UGGT2: variants seen among roughly 807,000 people sequenced by gnomAD.
UGGT2 encodes UDP-glucose glycoprotein glucosyltransferase 2.
UGGT2 carries 180 observed loss-of-function variants against 192.1 expected under a neutral mutation model. The ratio of observed to expected loss-of-function variants is 0.94; its 90% CI spans 0.83 to 1.06. The LOEUF is 1.06. Among genes scored for constraint, UGGT2 ranks in the 50% least tolerant of loss-of-function variants. UGGT2 has a pLI of 0.00. For missense variants in UGGT2, 1,849 were observed against 1,795.7 expected, an observed-to-expected ratio of 1.03 and a Z score of -0.54; for synonymous variants, 580 against 591.0, an observed-to-expected ratio of 0.98 and a Z score of 0.27.
intron 1 of UGGT2, among the ~76,000 whole-genome samples, chr13:96,052,770 G>A (rs1339512692): frequency 6.6e-6 from 1 of 152,186 alleles, no homozygotes; most frequent in Non-Finnish European, 1.5e-5. Flanking sequence ...AGTAAGCCTA[G>A]GAGCTGATGG....
At chr13:95,994,398 CATT>C (rs1455792888) in intron 7 of UGGT2, among the ~76,000 whole-genome samples, 1 of 151,650 alleles carries the variant, frequency 6.6e-6, no homozygotes, top group Non-Finnish European at 1.5e-5. Flanking sequence ...TATTAGCTAA[CATT>C]ATTACAATAT....
At chr13:95,914,241 T>C (rs895209886) in intron 20 of UGGT2, among the ~76,000 whole-genome samples, 3 of 148,610 alleles carry the variant, frequency 2.0e-5, no homozygotes, top group African/African-American at 7.5e-5. Context: ...GAACTTAAAG[T>C]ATAATAAAAA....
At position 95,927,075 on chromosome 13, in the gene UGGT2, T is replaced by A; in HGVS notation, c.2153A>T (p.Asp718Val). 11 of 1,611,740 alleles carry A rather than the reference T, an allele frequency of 6.8e-6. No individual in the cohort carries two copies. The highest frequency in any genetic ancestry group is 9.3e-6 in the Non-Finnish European group (11 of 1,179,352). Residue 718 changes from aspartate (D) to valine (V), a missense_variant, in exon 19 of 39, where the codon GAT becomes GTT. Physicochemically the swap from Asp to Val is radical, Grantham distance 152. Coordinates refer to ENST00000376747, the MANE Select transcript of UGGT2 (RefSeq NM_020121.4). ...FSTFFFLDSQ[D>V]KSAVIAKNMY... ...GTTCTTTGCAATTACAGCACTCTTA[T>A]CTTGTGAATCCAAGAAAAAGAAAGT...
rs1048165984 is a variant in UGGT2 at position 95,986,578 on chromosome 13, A to G, written c.932-146T>C. 3 of 515,016 alleles carry G rather than the reference A, an allele frequency of 5.8e-6. No individual in the cohort carries two copies. In the African/African-American group the frequency reaches 6.0e-5, roughly 10 times the overall value. 31.9% of individuals were successfully genotyped at this position (515,016 alleles called of 1,614,324 possible). On this transcript the variant is annotated intron_variant, in intron 8 of 38. Transcript: ENST00000376747. ...TACTGTTACATCTGCATTTTTAAAA[A>G]GTTTTAAATGTAAAGTTATCACTTA...
intron 6 of UGGT2, among the ~76,000 whole-genome samples, chr13:95,996,456 A>G (rs879877099): frequency 4.6e-5 from 7 of 151,652 alleles, no homozygotes; most frequent in Admixed American, 1.3e-4. Context: ...AGATCGTGCC[A>G]CTGCACTCCA....
At chr13:95,884,938 T>C (rs147266299) in intron 26 of UGGT2, among the ~76,000 whole-genome samples, 363 of 152,326 alleles carry the variant, frequency 2.4e-3, no homozygotes, top group Non-Finnish European at 3.9e-3. Context: ...CCCTTTAAGA[T>C]ATACCTGACT....
chr13:95,872,032 T>C (rs1442000379), intron 29 of UGGT2, among the ~76,000 whole-genome samples: 4 of 152,176 alleles, frequency 2.6e-5, no homozygotes, highest in African/African-American at 9.7e-5. Flanking sequence ...TGATTACAAG[T>C]GTTACTTTGG....
chr13:95,842,765 C>T (rs1363046984), intron 36 of UGGT2, among the ~76,000 whole-genome samples: 1 of 152,228 alleles, frequency 6.6e-6, no homozygotes, highest in East Asian at 1.9e-4. Flanking sequence ...ATAGCCACAT[C>T]CAGCAAGGAA....
At chr13:95,884,301 C>G (rs936826697) in intron 27 of UGGT2, among the ~76,000 whole-genome samples, 190 bp downstream of exon 27, 7 of 151,964 alleles carry the variant, frequency 4.6e-5, no homozygotes, top group African/African-American at 1.7e-4. Flanking sequence ...ACTTGGAAGA[C>G]TAGAGAAGCT....
In UGGT2 at chr13:95,801,657, A is replaced by G; in HGVS notation, c.*133T>C. ...TAAATAACTGTTTTAAATAATTACA[A>G]TTTTTTAAAATTAAAGAATATGTCA... On this transcript the variant is annotated 3_prime_UTR_variant, in exon 39 of 39. Transcript: ENST00000376747. The G allele has an allele frequency of 6.0e-6, 5 of 828,424 alleles. No homozygotes were observed. The highest frequency in any genetic ancestry group is 2.8e-5 in the East Asian group (1 of 35,882). 51.3% of individuals were successfully genotyped at this position (828,424 alleles called of 1,614,324 possible).
chr13:95,846,297 C>T (rs570883530), intron 36 of UGGT2, among the ~76,000 whole-genome samples: 22 of 152,072 alleles, frequency 1.4e-4, no homozygotes, highest in Non-Finnish European at 2.4e-4. Flanking sequence ...TGGCAGCGCG[C>T]GCCTGCAATC....
chr13:95,981,308 C>CA (rs1261217229), intron 10 of UGGT2, among the ~76,000 whole-genome samples: 1 of 8,762 alleles, frequency 1.1e-4, no homozygotes, highest in Non-Finnish European at 7.6e-4. Flanking sequence ...ACTAAAAATA[C>CA]AAAAAATTAG....
intron 38 of UGGT2, among the ~76,000 whole-genome samples, chr13:95,817,990 T>C (rs558593917): frequency 2.6e-5 from 4 of 152,252 alleles, no homozygotes; most frequent in Non-Finnish European, 5.9e-5. Flanking sequence ...TTTATCAGAA[T>C]CAGAACCTGG....
rs144028815 is a variant in UGGT2, at chr13:95,996,761, G to A, written c.758-626C>T. Among the ~76,000 whole-genome samples, 16 of 152,278 alleles carry A rather than the reference G, an allele frequency of 1.1e-4. No homozygotes were observed. The East Asian group carries it at 3.1e-3, about 29-fold the overall frequency. On this transcript the variant is annotated intron_variant, in intron 6 of 38. Coordinates refer to ENST00000376747, the MANE Select transcript of UGGT2 (RefSeq NM_020121.4). ...CAAATGCTGGGTTTAGCTTTTAAGT[G>A]AGGCAGGAGGTCCAAACCCTAAGTT...
intron 8 of UGGT2, among the ~76,000 whole-genome samples, chr13:95,988,358 G>C (rs1489353741): frequency 6.6e-6 from 1 of 152,066 alleles, no homozygotes; most frequent in African/African-American, 2.4e-5. Flanking sequence ...TTTCATTTTA[G>C]AAAGATTATC....
intron 1 of UGGT2, among the ~76,000 whole-genome samples, chr13:96,038,895 C>A (rs780101813): frequency 1.7e-4 from 26 of 152,234 alleles, no homozygotes; most frequent in South Asian, 4.1e-4. Context: ...TCATCTAAAT[C>A]ATGTATGGGT....
At chr13:95,937,118 A>G (rs1247750843) in intron 16 of UGGT2, 30 bp from the exon 17 acceptor site, 1 of 1,564,224 alleles carries the variant, frequency 6.4e-7, no homozygotes, top group Non-Finnish European at 8.6e-7. Flanking sequence ...CAGAGTGTTA[A>G]ACAAAATATG....
At chr13:95,914,784 C>T (rs978149500) in intron 20 of UGGT2, among the ~76,000 whole-genome samples, 4 of 150,496 alleles carry the variant, frequency 2.7e-5, no homozygotes, top group African/African-American at 9.8e-5. Context: ...GCCTGGGCGA[C>T]TGAGTGAGAC....
At chr13:95,869,745 A>G (rs1478589944) in intron 29 of UGGT2, among the ~76,000 whole-genome samples, 2 of 152,238 alleles carry the variant, frequency 1.3e-5, no homozygotes, top group African/African-American at 2.4e-5. Flanking sequence ...TGAAGGGAAC[A>G]AGCTAAGCAG....
Sources: allele counts gnomAD v4.1 joint callset (sites outside exome capture counted in the v4.1 genomes callset), GRCh38; gene constraint gnomAD v4.1.1; transcripts MANE v1.5; gene names NCBI Gene and HGNC (gene_info 2026-07-23, HGNC 2026-07-21).